UCHL5: variants seen among roughly 807,000 people sequenced by gnomAD.
The protein encoded by UCHL5 is ubiquitin C-terminal hydrolase L5.
Under a neutral mutation model 53.8 loss-of-function variants are expected in UCHL5, and 34 were observed. That is an observed-to-expected ratio of 0.63 (90% CI 0.48 to 0.84). UCHL5 has a LOEUF of 0.84. UCHL5 is among the 40% of genes least tolerant of loss of function. UCHL5 has a pLI of 0.00. For missense variants in UCHL5, 290 were observed against 385.6 expected (o/e 0.75, Z 2.08); for synonymous variants, 111 against 126.3 (o/e 0.88, Z 0.81).
In UCHL5 at chr1:193,043,151, T is replaced by TTAA. The variant is rs1553255148; in HGVS notation, c.246+6594_246+6595insTTA. Among the ~76,000 whole-genome samples, 84 of 36,360 alleles carry TTAA rather than the reference T, an allele frequency of 2.3e-3. 1 individual carries two copies. The highest frequency in any genetic ancestry group is 5.1e-3 in the African/African-American group (62 of 12,048). 23.9% of individuals were successfully genotyped at this position (36,360 alleles called of 152,430 possible). Reference sequence around the variant, plus strand: ...TGGAGCCTTGACAGCTCTTGAATATTAAAAAAAAAAAAAAAAAAAAAAAAA... The same window carrying TTAA: ...TGGAGCCTTGACAGCTCTTGAATATTTAAAAAAAAAAAAAAAAAAAAAAAAAAA... On this transcript the variant is annotated intron_variant, in intron 3 of 10. Transcript: ENST00000367454.
At chr1:193,021,383 G>T (rs972135218) in intron 9 of UCHL5, among the ~76,000 whole-genome samples, 188 bp from the exon 10 acceptor site, 2 of 152,088 alleles carry the variant, frequency 1.3e-5, no homozygotes, top group African/African-American at 4.8e-5. Flanking sequence ...AGTTTCTTGG[G>T]CAAGGGCCTC....
Position 193,059,294 on chromosome 1 carries a change from C to G in UCHL5, c.-34G>C, listed in dbSNP as rs1489012461. 1.3e-5 allele frequency: 21 copies of G among 1,612,202 alleles called. No individual in the cohort carries two copies. Among genetic ancestry groups the G allele is most frequent in the Middle Eastern group, 1.6e-4 (1 of 6,078 alleles). On this transcript the variant is annotated 5_prime_UTR_variant, in exon 1 of 11. Transcript: ENST00000367454. The surrounding 1 kb of genome is among the most constrained non-coding windows in gnomAD (Gnocchi z 4.9). ...CCACACACCGCCCCGATCCACCTCT[C>G]GCTCTCAGCTGCCCCCCGCACCAGC...
chr1:193,037,286 T>C (rs1363613759), intron 3 of UCHL5, among the ~76,000 whole-genome samples: 1 of 151,252 alleles, frequency 6.6e-6, no homozygotes, highest in Non-Finnish European at 1.5e-5. Context: ...ATAAATAAAA[T>C]CAGAAACAAA....
intron 1 of UCHL5, 145 bp from the exon 2 acceptor site, chr1:193,051,962 CTCTT>C: frequency 1.7e-6 from 1 of 576,486 alleles, no homozygotes; most frequent in African/African-American, 1.9e-5. Context: ...TCTCATTACT[CTCTT>C]TAATATATCC....
At chr1:193,057,694 T>C (rs907633491) in intron 1 of UCHL5, among the ~76,000 whole-genome samples, 4 of 152,254 alleles carry the variant, frequency 2.6e-5, no homozygotes, top group Non-Finnish European at 5.9e-5. Context: ...ATCTTTTCAG[T>C]TTCAGATCCA....
At chr1:193,059,932 C>T (rs756565624), upstream of UCHL5, 3 of 1,366,348 alleles carry the variant, frequency 2.2e-6, no homozygotes, top group Non-Finnish European at 2.9e-6. This position sits in a 1 kb window ranked among gnomAD's most constrained non-coding sequence, Gnocchi z 4.9. Context: ...GCTTCCGCGC[C>T]TGTCCACCCT....
intron 9 of UCHL5, among the ~76,000 whole-genome samples, chr1:193,021,712 T>A (rs1026377049): frequency 6.6e-6 from 1 of 152,218 alleles, no homozygotes; most frequent in Non-Finnish European, 1.5e-5. Context: ...TGACCTATTA[T>A]ATATTCTGCC....
intron 3 of UCHL5, among the ~76,000 whole-genome samples, chr1:193,034,988 C>A (rs2102555446): frequency 6.6e-6 from 1 of 152,046 alleles, no homozygotes; most frequent in South Asian, 2.1e-4. Flanking sequence ...AAGAGGCATT[C>A]TCTTTTAAGT....
At chr1:193,053,778 G>C (rs939121390) in intron 1 of UCHL5, among the ~76,000 whole-genome samples, 2 of 152,116 alleles carry the variant, frequency 1.3e-5, no homozygotes, top group Admixed American at 6.5e-5. Flanking sequence ...AGTTGAGGAG[G>C]GGGGAAGGTT....
At chr1:193,057,001 C>T (rs940298516) in intron 1 of UCHL5, among the ~76,000 whole-genome samples, 1 of 152,202 alleles carries the variant, frequency 6.6e-6, no homozygotes, top group African/African-American at 2.4e-5. Flanking sequence ...GTTTTCTGCA[C>T]ATATGAAATT....
chr1:193,020,096 T>C, intron 10 of UCHL5: 2 of 984,960 alleles, frequency 2.0e-6, no homozygotes, highest in South Asian at 4.7e-5. Flanking sequence ...GAAAAACCTA[T>C]AATGGAAAAG....
intron 1 of UCHL5, among the ~76,000 whole-genome samples, chr1:193,057,950 G>A (rs973933993): frequency 4.6e-5 from 7 of 152,132 alleles, no homozygotes; most frequent in Non-Finnish European, 8.8e-5. Flanking sequence ...CCAATCCTTG[G>A]GTGGGCGCGT....
At chr1:193,049,296 C>T (rs911716398) in intron 3 of UCHL5, among the ~76,000 whole-genome samples, 91 of 152,252 alleles carry the variant, frequency 6.0e-4, no homozygotes, top group African/African-American at 2.0e-3. Flanking sequence ...TGCCTGTAAT[C>T]CTAGCTTCTT....
At chr1:193,023,785 T>C (rs1481797744) in intron 8 of UCHL5, 59 bp downstream of exon 8, 5 of 1,267,978 alleles carry the variant, frequency 3.9e-6, no homozygotes, top group Non-Finnish European at 5.6e-6. Context: ...TTAAAGTAAA[T>C]ACTTTTCCTG....
chr1:193,039,290 A>G (rs1166601312), intron 3 of UCHL5, among the ~76,000 whole-genome samples: 1 of 151,702 alleles, frequency 6.6e-6, no homozygotes, highest in East Asian at 2.0e-4. Flanking sequence ...CATGCCTGTA[A>G]TCCCAGCTAC....
At position 193,015,482 on chromosome 1, in the gene UCHL5, C is replaced by T. The variant is rs965929364; in HGVS notation, c.*869G>A. 6.6e-6 allele frequency: 1 copy of T among 152,024 alleles called. No homozygotes were observed. Among genetic ancestry groups the T allele is most frequent in the African/African-American group, 2.4e-5 (1 of 41,440 alleles). The allele number at this position is 152,024 out of a possible 1,614,324, so 9.4% of individuals were successfully genotyped here. The stretch of plus-strand genomic sequence containing the variant: ...GCAAATTACATATGGCTCTTGAAAA[C>T]TGCAGGCTGTACGAAATTTATTCAA... On this transcript the variant is annotated 3_prime_UTR_variant, in exon 11 of 11. Transcript: ENST00000367454.
At chr1:193,039,676 C>T (rs1322678071) in intron 3 of UCHL5, among the ~76,000 whole-genome samples, 2 of 151,920 alleles carry the variant, frequency 1.3e-5, no homozygotes, top group African/African-American at 4.8e-5. Flanking sequence ...CACAAAAGAC[C>T]CGAGATGGCC....
rs1654675334 is a variant in UCHL5 at position 193,014,900 on chromosome 1, A to G, written c.*1451T>C. On this transcript the variant is annotated 3_prime_UTR_variant, in exon 11 of 11. Transcript: ENST00000367454. ...TTAACAAAATTTAAGCCTCAATAGG[A>G]AAGAATATATAAATTAAGCTGAAAT... is the stretch of plus-strand genomic sequence containing the variant. 6.6e-6 allele frequency: 1 copy of G among 152,130 alleles called. No homozygotes were observed. Among genetic ancestry groups the G allele is most frequent in the Admixed American group, 6.6e-5 (1 of 15,254 alleles). 9.4% of individuals were successfully genotyped at this position (152,130 alleles called of 1,614,324 possible). A position where few individuals can be genotyped will look rare whatever the true frequency, so the allele number is the denominator to read the frequency against.
At chr1:193,030,981 C>T (rs1216760150) in intron 3 of UCHL5, among the ~76,000 whole-genome samples, 1 of 152,116 alleles carries the variant, frequency 6.6e-6, no homozygotes, top group Non-Finnish European at 1.5e-5. Flanking sequence ...TCTCTTTAAG[C>T]ATTTTGTATT....
Sources: gnomAD v4.1 joint callset for allele counts (sites outside exome capture counted in the v4.1 genomes callset) on GRCh38, gnomAD v4.1.1 for gene constraint, Gnocchi (gnomAD v3.1) non-coding constraint, MANE v1.5 for transcripts, NCBI Gene and HGNC (gene_info 2026-07-23, HGNC 2026-07-21) for gene names.